The following TTC28 variants were observed in gnomAD, a reference collection of about 807,000 sequenced individuals.
The protein encoded by TTC28 is tetratricopeptide repeat protein 28.
Under a neutral mutation model 198.0 loss-of-function variants are expected in TTC28, and 61 were observed. The ratio of observed to expected loss-of-function variants is 0.31; its 90% CI spans 0.25 to 0.38. The LOEUF (loss-of-function observed/expected upper bound fraction) is 0.38, where lower values mean the gene tolerates loss of function less well. TTC28 is among the 10% of genes least tolerant of loss of function. The pLI is 1.00. For missense variants in TTC28, 2,678 were observed against 3,164.0 expected (o/e 0.85, Z 3.69); for synonymous variants, 1,171 against 1,297.8 (o/e 0.90, Z 2.10).
intron 12 of TTC28, among the ~76,000 whole-genome samples, chr22:28,074,748 C>G (rs540623644): frequency 7.6e-6 from 1 of 132,226 alleles, no homozygotes; most frequent in Non-Finnish European, 1.7e-5. Context: ...CCAGATTATC[C>G]CCCCCCATGT....
intron 2 of TTC28, among the ~76,000 whole-genome samples, chr22:28,482,214 T>TTTTTC (rs2048258019): frequency 7.5e-6 from 1 of 132,800 alleles, no homozygotes; most frequent in South Asian, 2.7e-4. Flanking sequence ...AGTCTTTTTT[T>TTTTTC]TTTTTTTTTT....
chr22:28,049,293 C>T (rs540698906), intron 12 of TTC28, among the ~76,000 whole-genome samples: 13 of 152,298 alleles, frequency 8.5e-5, no homozygotes, highest in African/African-American at 3.1e-4. Flanking sequence ...AGGTTAACTT[C>T]TATCCCCTCC....
At chr22:28,476,201 G>A (rs2048164020) in intron 2 of TTC28, among the ~76,000 whole-genome samples, 1 of 151,948 alleles carries the variant, frequency 6.6e-6, no homozygotes, top group Admixed American at 6.6e-5. Flanking sequence ...TCATCTCCTT[G>A]CCTTTTTTGA....
chr22:28,030,286 T>C lies in TTC28; in HGVS notation c.4013A>G (p.Asn1338Ser), dbSNP rs1360569053. Residue 1338 changes from asparagine (N) to serine (S), a missense_variant, in exon 13 of 23, where the codon AAC becomes AGC. Asn to Ser is a conservative substitution (Grantham distance 46, BLOSUM62 1). Coordinates refer to ENST00000397906, the MANE Select transcript of TTC28 (RefSeq NM_001145418.2). ...AAAGCCAGTGGGGTCAGTGACCGAG[T>C]TGAGTTTGTTGTTCATCTCTTCAAA... The part of the protein sequence containing the change: ...QQFEEMNNKL[N>S]SVTDPTGFLR... 2.6e-6 allele frequency: 4 copies of C among 1,551,552 alleles called. No individual in the cohort carries two copies. Among genetic ancestry groups the C allele is most frequent in the African/African-American group, 2.7e-5 (2 of 73,006 alleles).
intron 2 of TTC28, among the ~76,000 whole-genome samples, chr22:28,332,559 T>C (rs963727500): frequency 1.1e-4 from 17 of 152,100 alleles, no homozygotes; most frequent in African/African-American, 4.1e-4. Flanking sequence ...TGGTAAGTAC[T>C]CTCTGAAGTC....
chr22:28,258,931 G>C (rs1473402619), intron 5 of TTC28, among the ~76,000 whole-genome samples: 4 of 150,408 alleles, frequency 2.7e-5, no homozygotes, highest in Non-Finnish European at 5.9e-5. Flanking sequence ...GTGTGTGTGT[G>C]TCCTACAACC....
intron 2 of TTC28, among the ~76,000 whole-genome samples, chr22:28,310,297 T>C (rs965099231): frequency 2.2e-4 from 33 of 152,194 alleles, no homozygotes; most frequent in Admixed American, 1.8e-3. Context: ...TGCTGTAAAA[T>C]TTCAGAGGTA....
intron 2 of TTC28, among the ~76,000 whole-genome samples, chr22:28,614,480 A>G (rs1176911329): frequency 6.6e-6 from 1 of 152,194 alleles, no homozygotes; most frequent in Non-Finnish European, 1.5e-5. Context: ...GAGCCCACAT[A>G]GCCAAGACAA....
chr22:28,464,408 T>C (rs1431630090), intron 2 of TTC28, among the ~76,000 whole-genome samples: 1 of 152,220 alleles, frequency 6.6e-6, no homozygotes, highest in African/African-American at 2.4e-5. Flanking sequence ...GAAAATTAAG[T>C]CATGTATTTA....
intron 2 of TTC28, among the ~76,000 whole-genome samples, chr22:28,461,217 C>T (rs908595961): frequency 6.6e-6 from 1 of 151,988 alleles, no homozygotes. Context: ...CTTTATATTC[C>T]CAGTGTGTGC....
At chr22:28,443,176 C>CCCGG (rs1568946505) in intron 2 of TTC28, 3 of 152,236 alleles carry the variant, frequency 2.0e-5, no homozygotes, top group African/African-American at 7.2e-5. Flanking sequence ...GGGGCATTTT[C>CCCGG]CCGGCCGGCG....
intron 5 of TTC28, among the ~76,000 whole-genome samples, chr22:28,278,831 A>G (rs945293973): frequency 6.6e-6 from 1 of 152,242 alleles, no homozygotes; most frequent in African/African-American, 2.4e-5. Context: ...TTGGACATCT[A>G]GTTGAACCAG....
intron 5 of TTC28, among the ~76,000 whole-genome samples, chr22:28,280,425 G>T (rs1467263134): frequency 5.9e-5 from 9 of 151,834 alleles, no homozygotes; most frequent in Non-Finnish European, 1.3e-4. Flanking sequence ...CTCCGCCTCC[G>T]CCTCCTGGGT....
chr22:28,171,584 G>A (rs1601424814), intron 5 of TTC28, among the ~76,000 whole-genome samples: 2 of 127,594 alleles, frequency 1.6e-5, no homozygotes, highest in African/African-American at 3.0e-5. Flanking sequence ...AATGACTGAG[G>A]AAACTTTTTT....
chr22:28,677,554 G>A (rs188425538), intron 1 of TTC28, among the ~76,000 whole-genome samples: 186 of 152,190 alleles, frequency 1.2e-3, no homozygotes, highest in Middle Eastern at 6.8e-3. Context: ...CATTAGAATC[G>A]CTGGAATCTG....
chr22:28,381,344 A>G (rs1047131178), intron 2 of TTC28, among the ~76,000 whole-genome samples: 2 of 152,116 alleles, frequency 1.3e-5, no homozygotes, highest in African/African-American at 4.8e-5. Flanking sequence ...AGGAATGAAT[A>G]AGCCTACCTT....
chr22:28,402,249 G>A (rs1301022088), intron 2 of TTC28, among the ~76,000 whole-genome samples: 1 of 152,188 alleles, frequency 6.6e-6, no homozygotes, highest in Non-Finnish European at 1.5e-5. Flanking sequence ...GCAGATGGAT[G>A]ACACGGAAAA....
chr22:28,451,228 G>A (rs893539645), intron 2 of TTC28, among the ~76,000 whole-genome samples: 5 of 152,170 alleles, frequency 3.3e-5, no homozygotes, highest in Admixed American at 1.3e-4. Context: ...ACAGAGTGAC[G>A]GGATATCATT....
intron 3 of TTC28, among the ~76,000 whole-genome samples, chr22:28,301,188 C>T (rs1171384817): frequency 6.6e-6 from 1 of 152,144 alleles, no homozygotes; most frequent in African/African-American, 2.4e-5. Flanking sequence ...GTGATCACTA[C>T]AATTATTTTC....
Sources: gnomAD v4.1 joint callset for allele counts (sites outside exome capture counted in the v4.1 genomes callset) on GRCh38, gnomAD v4.1.1 for gene constraint, MANE v1.5 for transcripts, NCBI Gene and HGNC (gene_info 2026-07-23, HGNC 2026-07-21) for gene names.